The following LZIC variants were observed in gnomAD, a reference collection of about 807,000 sequenced individuals.
The protein encoded by LZIC is leucine zipper and CTNNBIP1 domain containing.
LZIC carries 28 observed loss-of-function variants against 25.4 expected under a neutral mutation model. The ratio of observed to expected loss-of-function variants is 1.10; its 90% CI spans 0.82 to 1.51. The LOEUF is 1.51. Among genes scored for constraint, LZIC ranks in the 40% most tolerant of loss-of-function variants. LZIC has a pLI of 0.00. For missense variants in LZIC, 170 were observed against 211.1 expected, an observed-to-expected ratio of 0.81 and a Z score of 1.21; for synonymous variants, 65 against 70.7, an observed-to-expected ratio of 0.92 and a Z score of 0.40.
Position 9,928,606 on chromosome 1 carries a change from G to A in LZIC, c.*1793C>T, listed in dbSNP as rs1640088398. On this transcript the variant is annotated 3_prime_UTR_variant, in exon 8 of 8. Transcript: ENST00000377223. ...GAAAATATGATGATGTCCCGGTGTGGTAGCTCACACCTATAATCCCAGCAC... is the reference window on the plus strand; with the variant it reads ...GAAAATATGATGATGTCCCGGTGTGATAGCTCACACCTATAATCCCAGCAC... 6.6e-6 allele frequency among the ~76,000 whole-genome samples: 1 copy of A among 152,116 alleles called. No homozygotes were observed. The highest frequency in any genetic ancestry group is 1.5e-5 in the Non-Finnish European group (1 of 68,028).
chr1:9,932,859 G>T lies in LZIC; in HGVS notation c.376C>A (p.Leu126Met). The stretch of plus-strand genomic sequence containing the variant: ...ATCTCCACTTTCTGTTGAGTGTACA[G>T]GTCTCTTTCCAGCTTTCCTACCATC... ...DLMVGKLERDLYTQQKVEILT... is the reference protein window; with the variant it reads ...DLMVGKLERDMYTQQKVEILT... Residue 126 changes from leucine (L) to methionine (M), a missense_variant, in exon 6 of 8, where the codon CTG (leucine) becomes ATG (methionine). Coordinates refer to ENST00000377223, the MANE Select transcript of LZIC (RefSeq NM_032368.5). 2.5e-6 allele frequency: 4 copies of T among 1,612,920 alleles called. No homozygotes were observed. The highest frequency in any genetic ancestry group is 3.4e-6 in the Non-Finnish European group (4 of 1,179,156).
rs1035741036 is a variant in LZIC at position 9,930,183 on chromosome 1, G to C, written c.*216C>G. 4 of 1,330,848 alleles carry C rather than the reference G, an allele frequency of 3.0e-6. No individual in the cohort carries two copies. The East Asian group carries it at 1.1e-4, about 36-fold the overall frequency. The allele number at this position is 1,330,848 out of a possible 1,614,324, so 82.4% of individuals were successfully genotyped here. ...ACAGAGTCCAGTGAGTCCCTCTGTC[G>C]CAACAAGTTCAGGATCACTCAAGCA... On this transcript the variant is annotated 3_prime_UTR_variant, in exon 8 of 8. Coordinates refer to ENST00000377223, the MANE Select transcript of LZIC (RefSeq NM_032368.5).
rs1356990468 is a variant in LZIC at position 9,927,095 on chromosome 1, A to G, written c.*3304T>C. ...TAGAAGAGAAAAGGAGGCTCAAAAA[A>G]ATTAAGTAACCCACAAAAAGTCACA... On this transcript the variant is annotated 3_prime_UTR_variant, in exon 8 of 8. Transcript: ENST00000377223. Among the ~76,000 whole-genome samples, 2 of 152,202 alleles carry G rather than the reference A, an allele frequency of 1.3e-5. No individual in the cohort carries two copies. The highest frequency in any genetic ancestry group is 2.4e-5 in the African/African-American group (1 of 41,444).
At chr1:9,942,906 G>C (rs1640827339) in intron 1 of LZIC, 124 bp from the exon 2 acceptor site, 2 of 358,982 alleles carry the variant, frequency 5.6e-6, no homozygotes, top group African/African-American at 4.3e-5. Context: ...TTTCCCCCTC[G>C]ACTGCGCCTA....
intron 2 of LZIC, among the ~76,000 whole-genome samples, chr1:9,937,958 A>C (rs966938191): frequency 3.3e-5 from 5 of 152,058 alleles, no homozygotes; most frequent in Admixed American, 6.6e-5. Flanking sequence ...ACACCCCACA[A>C]AAATACCTGA....
In LZIC at chr1:9,928,242, G is replaced by A. The variant is rs3013783; in HGVS notation, c.*2157C>T. Among the ~76,000 whole-genome samples the A allele has an allele frequency of 0.63, 95,698 of 151,470 alleles. 33,300 individuals are homozygous for A. Among genetic ancestry groups the A allele is most frequent in the Non-Finnish European group, 0.79 (53,282 of 67,736 alleles). ...GCAGGAGAATCGCTTGAACCTGGGA[G>A]GCAGAAGTTGTGGTGAGCCGAGATC... On this transcript the variant is annotated 3_prime_UTR_variant, in exon 8 of 8. Coordinates refer to ENST00000377223, the MANE Select transcript of LZIC (RefSeq NM_032368.5).
At chr1:9,932,748 C>A in intron 6 of LZIC, 55 bp downstream of exon 6, 2 of 905,062 alleles carry the variant, frequency 2.2e-6, no homozygotes, top group Non-Finnish European at 1.8e-6. Flanking sequence ...TCAAGATGTT[C>A]TGTACCAAAT....
At chr1:9,938,171 C>A (rs951153250) in intron 2 of LZIC, among the ~76,000 whole-genome samples, 1 of 152,016 alleles carries the variant, frequency 6.6e-6, no homozygotes, top group Non-Finnish European at 1.5e-5. Context: ...TACTTGTGAG[C>A]ATGAACTTTT....
intron 2 of LZIC, among the ~76,000 whole-genome samples, chr1:9,940,569 C>T (rs1196975822): frequency 3.9e-5 from 6 of 152,106 alleles, no homozygotes; most frequent in Admixed American, 1.3e-4. Flanking sequence ...CCGCCCGCCT[C>T]GGCCTCCCAA....
downstream of LZIC, among the ~76,000 whole-genome samples, chr1:9,923,913 C>T (rs146474945): frequency 0.096 from 14,595 of 152,112 alleles, 925 homozygotes; most frequent in African/African-American, 0.16. Context: ...CCACCACGCC[C>T]GGCTAATTTT....
intron 6 of LZIC, 135 bp from the exon 7 acceptor site, chr1:9,932,107 G>A (rs867377658): frequency 1.5e-5 from 5 of 332,382 alleles, no homozygotes; most frequent in East Asian, 5.9e-5. Context: ...GGCGTGGGGG[G>A]GGGGGGGGGG....
chr1:9,932,798 G>A lies in LZIC; in HGVS notation c.432+5C>T, dbSNP rs770130169. ...CTTTGTAACTAATATATTAAATACT[G>A]GTACCTTCTCTCCAAGTTTCCTAAG... is the stretch of plus-strand genomic sequence containing the variant. On this transcript the variant is annotated splice_donor_5th_base_variant and intron_variant, in intron 6 of 7. Coordinates refer to ENST00000377223, the MANE Select transcript of LZIC (RefSeq NM_032368.5). 20 of 1,526,022 alleles carry A rather than the reference G, an allele frequency of 1.3e-5. No individual in the cohort carries two copies. Among genetic ancestry groups the A allele is most frequent in the Non-Finnish European group, 1.8e-5 (20 of 1,101,456 alleles). 94.5% of individuals were successfully genotyped at this position (1,526,022 alleles called of 1,614,324 possible).
At chr1:9,943,039 G>A (rs1640839329) in intron 1 of LZIC, 10 of 296,240 alleles carry the variant, frequency 3.4e-5, no homozygotes, top group Non-Finnish European at 6.9e-5. Flanking sequence ...AGGGCGGAGA[G>A]CACGCCTCTT....
At chr1:9,934,529 A>G (rs545261411) in intron 5 of LZIC, among the ~76,000 whole-genome samples, 1 of 152,346 alleles carries the variant, frequency 6.6e-6, no homozygotes, top group East Asian at 1.9e-4. Context: ...ATGGTAAAAC[A>G]TTAAAGGTGG....
intron 2 of LZIC, among the ~76,000 whole-genome samples, chr1:9,937,847 C>CAAAAAAAA (rs34452687): frequency 9.5e-5 from 5 of 52,732 alleles, no homozygotes; most frequent in African/African-American, 1.8e-4. Flanking sequence ...GACCCTGACT[C>CAAAAAAAA]AAAAAAAAAA....
intron 6 of LZIC, chr1:9,932,210 T>C (rs2101589598): frequency 2.6e-6 from 1 of 380,062 alleles, no homozygotes; most frequent in Middle Eastern, 8.6e-4. Context: ...CTGGGCGTGG[T>C]GGTGCACGCC....
Position 9,927,538 on chromosome 1 carries a change from C to T in LZIC, c.*2861G>A, listed in dbSNP as rs944322059. Reference sequence around the variant, plus strand: ...GCTGGTCTCAAATCCTGAGTTCAGGCGATCCGCCCACCTCTGCCTCCCAGA... The same window carrying T: ...GCTGGTCTCAAATCCTGAGTTCAGGTGATCCGCCCACCTCTGCCTCCCAGA... On this transcript the variant is annotated 3_prime_UTR_variant, in exon 8 of 8. Coordinates refer to ENST00000377223, the MANE Select transcript of LZIC (RefSeq NM_032368.5). Among the ~76,000 whole-genome samples the T allele has an allele frequency of 2.0e-5, 3 of 150,926 alleles. No homozygotes were observed. Among genetic ancestry groups the T allele is most frequent in the African/African-American group, 4.9e-5 (2 of 40,988 alleles).
At chr1:9,931,567 C>T (rs1379482062) in intron 7 of LZIC, among the ~76,000 whole-genome samples, 2 of 152,082 alleles carry the variant, frequency 1.3e-5, no homozygotes, top group Non-Finnish European at 2.9e-5. Context: ...CGGCCTTGGC[C>T]TCCCGCTTTT....
rs1203570674 is a variant in LZIC, at chr1:9,943,375, G to C, written c.-294C>G. On this transcript the variant is annotated 5_prime_UTR_variant, in exon 1 of 8. Coordinates refer to ENST00000377223, the MANE Select transcript of LZIC (RefSeq NM_032368.5). ...TGAGGGCACTGGCCTGGCGGACCGC[G>C]CCGGGGGAGCACTTCCGCTGGACGC... 2.0e-5 allele frequency: 3 copies of C among 152,588 alleles called. No individual in the cohort carries two copies. The highest frequency in any genetic ancestry group is 4.8e-5 in the African/African-American group (2 of 41,586). 9.5% of individuals were successfully genotyped at this position (152,588 alleles called of 1,614,324 possible). A position where few individuals can be genotyped will look rare whatever the true frequency, so the allele number is the denominator to read the frequency against.
Sources: allele counts gnomAD v4.1 joint callset (sites outside exome capture counted in the v4.1 genomes callset), GRCh38; gene constraint gnomAD v4.1.1; transcripts MANE v1.5; gene names NCBI Gene and HGNC (gene_info 2026-07-23, HGNC 2026-07-21).